Variants in DOCK8 observed in about 807,000 individuals in gnomAD.
The protein encoded by DOCK8 is dedicator of cytokinesis protein 8.
In DOCK8, 141 loss-of-function variants were observed where a neutral mutation model predicts 245.6. The observed-to-expected ratio is 0.57, with a 90% CI of 0.50 to 0.66. The LOEUF is 0.66. DOCK8 is among the 30% of genes least tolerant of loss of function. The pLI is 0.00. For synonymous variants in DOCK8, 1,168 were observed against 970.2 expected, an observed-to-expected ratio of 1.20 and a Z score of -3.79; for missense variants, 2,965 against 2,603.4, an observed-to-expected ratio of 1.14 and a Z score of -3.02.
chr9:319,327 A>G (rs559831817), intron 7 of DOCK8, among the ~76,000 whole-genome samples: 20 of 152,334 alleles, frequency 1.3e-4, no homozygotes, highest in African/African-American at 4.8e-4. Flanking sequence ...CTTAATGAAA[A>G]TTGTAAAGTG....
At chr9:358,480 G>A (rs2052556806) in intron 14 of DOCK8, among the ~76,000 whole-genome samples, 1 of 152,200 alleles carries the variant, frequency 6.6e-6, no homozygotes, top group African/African-American at 2.4e-5. Context: ...AATAAGGAGA[G>A]AGAAATAAAT....
chr9:287,765 G>A (rs1467922430), intron 3 of DOCK8, among the ~76,000 whole-genome samples: 3 of 152,178 alleles, frequency 2.0e-5, no homozygotes, highest in Non-Finnish European at 4.4e-5. Context: ...TATGACTTTA[G>A]TATAAGTTAA....
intron 28 of DOCK8, among the ~76,000 whole-genome samples, chr9:412,703 CAAA>C (rs1031529382): frequency 1.3e-5 from 2 of 151,824 alleles, no homozygotes; most frequent in Admixed American, 1.3e-4. Context: ...ATAAATGTAA[CAAA>C]AGAAACACAA....
chr9:255,975 A>G (rs1488916377), intron 1 of DOCK8, among the ~76,000 whole-genome samples: 1 of 152,196 alleles, frequency 6.6e-6, no homozygotes, highest in East Asian at 1.9e-4. Flanking sequence ...AATAGTTGTC[A>G]TCTTGAATAA....
chr9:316,972 C>T (rs2050373470), intron 6 of DOCK8, 71 bp from the exon 7 acceptor site: 2 of 1,256,344 alleles, frequency 1.6e-6, no homozygotes, highest in Non-Finnish European at 2.3e-6. Context: ...CCTTCCCTTC[C>T]CTGGGTTAAC....
rs767499233 is a variant in DOCK8 at position 428,366 on chromosome 9, G to A, written c.4343G>A (p.Ser1448Asn). The change falls in exon 35 of 48, where the codon AGC becomes AAC. Residue 1448 changes from serine (S) to asparagine (N), a missense_variant. Coordinates refer to ENST00000432829, the MANE Select transcript of DOCK8 (RefSeq NM_203447.4). ...GCTGTTCTTCCATTCCCCCAGGCGA[G>A]CTCGGCTCTGGACTGTAAAGACAGC... ...LDMQENIIQA[S>N]SALDCKDSLL... The A allele has an allele frequency of 6.2e-7, 1 of 1,614,164 alleles. No individual in the cohort carries two copies. Among genetic ancestry groups the A allele is most frequent in the East Asian group, 2.2e-5 (1 of 44,876 alleles).
At chr9:374,453 GT>G (rs762085208) in intron 18 of DOCK8, among the ~76,000 whole-genome samples, 154 of 75,344 alleles carry the variant, frequency 2.0e-3, no homozygotes, top group African/African-American at 7.6e-3. Flanking sequence ...GTCCTTTTGT[GT>G]TTTTTTTTTT....
intron 8 of DOCK8, among the ~76,000 whole-genome samples, chr9:327,001 G>A (rs1001087500): frequency 1.3e-5 from 2 of 152,180 alleles, no homozygotes; most frequent in South Asian, 2.1e-4. Flanking sequence ...CAGGAGCACT[G>A]TTCACATCAT....
intron 2 of DOCK8, among the ~76,000 whole-genome samples, chr9:280,046 T>C (rs1421247137): frequency 6.6e-6 from 1 of 152,314 alleles, no homozygotes; most frequent in South Asian, 2.1e-4. Context: ...GGTTCTGGGG[T>C]TGTAGGAATT....
intron 2 of DOCK8, among the ~76,000 whole-genome samples, chr9:285,871 A>C (rs987957930): frequency 6.6e-6 from 1 of 152,188 alleles, no homozygotes; most frequent in South Asian, 2.1e-4. Flanking sequence ...CCAGACCAGC[A>C]CCAGTCGCCC....
intron 25 of DOCK8, among the ~76,000 whole-genome samples, chr9:398,292 C>T (rs2054558329): frequency 6.6e-6 from 1 of 152,190 alleles, no homozygotes; most frequent in South Asian, 2.1e-4. Flanking sequence ...AGTTCGAGGA[C>T]CTCTCAGCGG....
intron 1 of DOCK8, among the ~76,000 whole-genome samples, chr9:228,524 T>C (rs1346876735): frequency 6.6e-6 from 1 of 152,176 alleles, no homozygotes; most frequent in Non-Finnish European, 1.5e-5. Context: ...TTTATAATTA[T>C]GTTTTTCTGT....
At chr9:272,327 C>G (rs1242007554) in intron 2 of DOCK8, among the ~76,000 whole-genome samples, 1 of 152,162 alleles carries the variant, frequency 6.6e-6, no homozygotes, top group Non-Finnish European at 1.5e-5. Context: ...ATCTCTGACT[C>G]ACTTCTGTCA....
At chr9:405,435 G>A (rs958981923) in intron 27 of DOCK8, among the ~76,000 whole-genome samples, 2 of 152,200 alleles carry the variant, frequency 1.3e-5, no homozygotes, top group African/African-American at 2.4e-5. Context: ...TGGAAACCAT[G>A]TATTCACCAG....
Position 441,313 on chromosome 9 carries a change from G to T in DOCK8, c.5251G>T (p.Val1751Phe). The change falls in exon 41 of 48, where the codon GTC becomes TTC. Residue 1751 changes from valine to phenylalanine, a missense_variant. By Grantham distance (50) the Val-to-Phe change is conservative. Around this residue, in one of 3 missense-constraint regions of DOCK8, gnomAD observed 2,825 missense variants for 2,453.5 expected, o/e 1.15. Transcript: ENST00000432829. Reference protein sequence around the residue: ...TGGLYETVNEVYKLVIPILEA... With the variant: ...TGGLYETVNEFYKLVIPILEA... ...AGGCTTATATGAGACAGTTAATGAG[G>T]TCTACAAGCTGGTCATCCCCATCCT... is the stretch of plus-strand genomic sequence containing the variant. The T allele has an allele frequency of 6.2e-7, 1 of 1,614,180 alleles. No individual in the cohort carries two copies. Among genetic ancestry groups the T allele is most frequent in the Non-Finnish European group, 8.5e-7 (1 of 1,180,030 alleles).
intron 8 of DOCK8, among the ~76,000 whole-genome samples, chr9:327,094 C>G (rs905788613): frequency 5.3e-5 from 8 of 152,200 alleles, no homozygotes; most frequent in Admixed American, 2.0e-4. Context: ...TTCTTTCCAT[C>G]CATAGTCTAT....
At chr9:297,000 A>G (rs1387137998) in intron 4 of DOCK8, among the ~76,000 whole-genome samples, 2 of 152,106 alleles carry the variant, frequency 1.3e-5, no homozygotes, top group East Asian at 1.9e-4. Flanking sequence ...TTGGGCTTCA[A>G]CTTCCTATTC....
At chr9:437,483 C>G (rs985622794) in intron 39 of DOCK8, among the ~76,000 whole-genome samples, 6 of 152,194 alleles carry the variant, frequency 3.9e-5, no homozygotes, top group African/African-American at 9.6e-5. Context: ...AAATGGAGTG[C>G]TCTGATTTAC....
chr9:383,380 A>G (rs947417173), intron 22 of DOCK8, among the ~76,000 whole-genome samples: 6 of 152,086 alleles, frequency 3.9e-5, no homozygotes, highest in African/African-American at 1.4e-4. Context: ...TAAAAATACA[A>G]AATTAGCCAG....
Sources: gnomAD v4.1 joint callset for allele counts (sites outside exome capture counted in the v4.1 genomes callset) on GRCh38, gnomAD v4.1.1 for gene constraint, gnomAD v4.1.1 regional missense constraint, MANE v1.5 for transcripts, NCBI Gene and HGNC (gene_info 2026-07-23, HGNC 2026-07-21) for gene names.